The following GTF3C1 variants were observed in gnomAD, a reference collection of about 807,000 sequenced individuals.
GTF3C1 encodes the protein general transcription factor 3C polypeptide 1.
A neutral mutation model predicts 226.7 loss-of-function variants in GTF3C1; 57 were observed. The observed-to-expected ratio is 0.25, with a 90% CI of 0.20 to 0.31. GTF3C1 has a LOEUF of 0.31. Ranked by LOEUF, GTF3C1 falls within the 10% of genes least tolerant of loss-of-function variation. The probability of loss-of-function intolerance (pLI) is 1.00; values close to 1 mark genes in which losing one functional copy is unlikely to be tolerated. For synonymous variants in GTF3C1, 1,090 were observed against 1,084.8 expected, an observed-to-expected ratio of 1.00 and a Z score of -0.09; for missense variants, 2,217 against 2,776.1, an observed-to-expected ratio of 0.80 and a Z score of 4.53.
At chr16:27,509,539 CG>C (rs2088540845) in intron 7 of GTF3C1, among the ~76,000 whole-genome samples, 1 of 151,772 alleles carries the variant, frequency 6.6e-6, no homozygotes, top group African/African-American at 2.4e-5. Context: ...GGGCGGATCA[CG>C]AGGTCAGGAG....
At chr16:27,535,696 C>T (rs2088989928) in intron 4 of GTF3C1, among the ~76,000 whole-genome samples, 1 of 152,026 alleles carries the variant, frequency 6.6e-6, no homozygotes, top group Non-Finnish European at 1.5e-5. Context: ...TCAATAACAG[C>T]TTGACCAACA....
intron 5 of GTF3C1, among the ~76,000 whole-genome samples, chr16:27,532,180 A>G (rs1405039633): frequency 6.6e-6 from 1 of 152,160 alleles, no homozygotes; most frequent in East Asian, 1.9e-4. Context: ...GGTCAAATTT[A>G]TTTTTAACAG....
chr16:27,544,846 C>T (rs749349582), intron 2 of GTF3C1, among the ~76,000 whole-genome samples: 2 of 152,114 alleles, frequency 1.3e-5, no homozygotes, highest in Non-Finnish European at 2.9e-5. Flanking sequence ...GTGAAGAAGG[C>T]GAATGAAGGC....
chr16:27,509,295 T>C (rs1284030025), intron 7 of GTF3C1, among the ~76,000 whole-genome samples: 2 of 152,142 alleles, frequency 1.3e-5, no homozygotes, highest in African/African-American at 4.8e-5. Context: ...GTCAGGATTG[T>C]GAGTATATCT....
At chr16:27,481,437 A>T (rs2088046334) in intron 26 of GTF3C1, among the ~76,000 whole-genome samples, 1 of 151,668 alleles carries the variant, frequency 6.6e-6, no homozygotes, top group Admixed American at 6.6e-5. Flanking sequence ...CAACTAACCC[A>T]CCGACAGCCT....
At chr16:27,472,059 T>A in intron 29 of GTF3C1, 139 bp from the exon 30 acceptor site, 5 of 682,970 alleles carry the variant, frequency 7.3e-6, no homozygotes, top group Non-Finnish European at 7.6e-6. Context: ...GGCGTATGTG[T>A]GTGTCAGTGA....
At chr16:27,494,211 C>A (rs1255775753) in intron 16 of GTF3C1, among the ~76,000 whole-genome samples, 1 of 152,050 alleles carries the variant, frequency 6.6e-6, no homozygotes, top group Non-Finnish European at 1.5e-5. Flanking sequence ...ACCATCCTGG[C>A]TAACATGGCA....
chr16:27,536,877 C>A (rs775413052), intron 4 of GTF3C1, among the ~76,000 whole-genome samples: 11 of 152,192 alleles, frequency 7.2e-5, no homozygotes, highest in Non-Finnish European at 1.6e-4. Context: ...GCAGTGAGGG[C>A]TGAGACCTCT....
intron 29 of GTF3C1, among the ~76,000 whole-genome samples, chr16:27,474,863 C>A (rs950175810): frequency 6.6e-5 from 10 of 152,214 alleles, no homozygotes; most frequent in African/African-American, 2.2e-4. Context: ...TGTATGAGGA[C>A]ATTTCTCGGG....
At chr16:27,514,085 G>A (rs537967518) in intron 6 of GTF3C1, among the ~76,000 whole-genome samples, 7 of 152,302 alleles carry the variant, frequency 4.6e-5, no homozygotes, top group African/African-American at 1.2e-4. Flanking sequence ...ACACTCTAAC[G>A]GGGGCCAGCC....
In GTF3C1 at chr16:27,495,364, T is replaced by C. The variant is rs141276234; in HGVS notation, c.2479A>G (p.Ser827Gly). ...TCCTGCTTTATCGTTCTCCGTTCACTGATGAAGCTTGGCTTCTCCACGGTG... is the reference window on the plus strand; with the variant it reads ...TCCTGCTTTATCGTTCTCCGTTCACCGATGAAGCTTGGCTTCTCCACGGTG... The part of the protein sequence containing the change: ...SNTVEKPSFI[S>G]ERRTIKQESG... Residue 827 changes from serine (S) to glycine (G), a missense_variant, in exon 15 of 37, where the codon AGT (serine) becomes GGT (glycine). This residue lies in a region of GTF3C1 where 353 missense variants were observed against 411.7 expected (regional missense o/e 0.86). Transcript: ENST00000356183. 271 of 1,614,210 alleles carry C rather than the reference T, an allele frequency of 1.7e-4. 2 individuals carry two copies. In the African/African-American group the frequency reaches 2.6e-3, roughly 15 times the overall value.
chr16:27,513,887 G>A (rs1356693112), intron 6 of GTF3C1, among the ~76,000 whole-genome samples: 2 of 152,092 alleles, frequency 1.3e-5, no homozygotes, highest in Non-Finnish European at 2.9e-5. Context: ...AACCCTGCCC[G>A]TGAAGTGTGA....
intron 2 of GTF3C1, 145 bp downstream of exon 2, chr16:27,545,169 G>C (rs530382780): frequency 1.5e-6 from 1 of 668,542 alleles, no homozygotes; most frequent in Non-Finnish European, 2.7e-6. Context: ...TAGAAACAGC[G>C]TTTTGCCATG....
At chr16:27,549,631 G>GCCCC in intron 1 of GTF3C1, 39 bp downstream of exon 1, 1 of 691,952 alleles carries the variant, frequency 1.4e-6, no homozygotes, top group Non-Finnish European at 2.4e-6. Flanking sequence ...CGGGCCCTGC[G>GCCCC]CCCGCCCGCC....
chr16:27,470,471 C>T lies in GTF3C1; in HGVS notation c.4527-76G>A, dbSNP rs971156919. On this transcript the variant is annotated intron_variant, in intron 30 of 36. Transcript: ENST00000356183. This position sits in a 1 kb window ranked among gnomAD's most constrained non-coding sequence, Gnocchi z 4.9. ...CCTTCATTTGGATGGACTATGAGCACGTCAAACCATTATGGTGAGAACTAA... is the reference window on the plus strand; with the variant it reads ...CCTTCATTTGGATGGACTATGAGCATGTCAAACCATTATGGTGAGAACTAA... 45 of 1,164,194 alleles carry T rather than the reference C, an allele frequency of 3.9e-5. No individual in the cohort carries two copies. Among genetic ancestry groups the T allele is most frequent in the African/African-American group, 1.7e-4 (11 of 65,476 alleles). 72.1% of individuals were successfully genotyped at this position (1,164,194 alleles called of 1,614,324 possible).
At chr16:27,547,213 C>A (rs1441430661) in intron 1 of GTF3C1, among the ~76,000 whole-genome samples, 2 of 152,188 alleles carry the variant, frequency 1.3e-5, no homozygotes, top group South Asian at 2.1e-4. Flanking sequence ...CTCAAGACCT[C>A]CAACCACACT....
chr16:27,487,772 AAC>A (rs1224017200), intron 23 of GTF3C1, among the ~76,000 whole-genome samples: 1 of 152,226 alleles, frequency 6.6e-6, no homozygotes, highest in African/African-American at 2.4e-5. Flanking sequence ...CAGCCTGGGC[AAC>A]AGAGTGAGAC....
chr16:27,542,872 C>A (rs1210359914), intron 2 of GTF3C1, among the ~76,000 whole-genome samples: 1 of 152,350 alleles, frequency 6.6e-6, no homozygotes, highest in African/African-American at 2.4e-5. Context: ...TCCTAGCCTG[C>A]AGCACTGTGA....
In GTF3C1 at chr16:27,482,607, C is replaced by T. The variant is rs560597298; in HGVS notation, c.4083+437G>A. 1.5e-5 allele frequency: 7 copies of T among 456,580 alleles called. No individual in the cohort carries two copies. In the East Asian group the frequency reaches 4.9e-4, roughly 32 times the overall value. The allele number at this position is 456,580 out of a possible 1,614,324, so 28.3% of individuals were successfully genotyped here. A position where few individuals can be genotyped will look rare whatever the true frequency, so the allele number is the denominator to read the frequency against. On this transcript the variant is annotated intron_variant, in intron 26 of 36. Transcript: ENST00000356183. ...CACACTGTAGTGTCCAGGGTTAGCA[C>T]AGAAATGAAAGATGAGCAGCCTCTG...
Sources: allele counts gnomAD v4.1 joint callset (sites outside exome capture counted in the v4.1 genomes callset), GRCh38; gene constraint gnomAD v4.1.1; regional missense constraint gnomAD v4.1.1; non-coding constraint Gnocchi (gnomAD v3.1); transcripts MANE v1.5; gene names NCBI Gene and HGNC (gene_info 2026-07-23, HGNC 2026-07-21).